Variants in KANSL1 observed in about 807,000 individuals in gnomAD.
The protein encoded by KANSL1 is KAT8 regulatory NSL complex subunit 1.
Under a neutral mutation model 103.6 loss-of-function variants are expected in KANSL1, and 22 were observed. That is an observed-to-expected ratio of 0.21 (90% CI 0.15 to 0.30). The LOEUF (loss-of-function observed/expected upper bound fraction) is 0.30, where lower values mean the gene tolerates loss of function less well. Ranked by LOEUF, KANSL1 falls within the 10% of genes least tolerant of loss-of-function variation. The probability of loss-of-function intolerance (pLI) is 1.00; values close to 1 mark genes in which losing one functional copy is unlikely to be tolerated. For missense variants in KANSL1, 1,337 were observed against 1,399.8 expected (o/e 0.96, Z 0.72); for synonymous variants, 600 against 527.6 (o/e 1.14, Z -1.88).
At chr17:46,182,366 T>G (rs1443313433) in intron 1 of KANSL1, among the ~76,000 whole-genome samples, 1 of 152,246 alleles carries the variant, frequency 6.6e-6, no homozygotes, top group Non-Finnish European at 1.5e-5. Context: ...AACAGTGATT[T>G]GTGATGAAGT....
At chr17:46,076,389 G>T (rs753584546) in intron 4 of KANSL1, among the ~76,000 whole-genome samples, 1 of 151,752 alleles carries the variant, frequency 6.6e-6, no homozygotes, top group Non-Finnish European at 1.5e-5. Context: ...CCAGCTACTC[G>T]GGAGGCTGAG....
At chr17:46,141,813 A>G (rs1326762236) in intron 2 of KANSL1, among the ~76,000 whole-genome samples, 1 of 152,244 alleles carries the variant, frequency 6.6e-6, no homozygotes, top group Non-Finnish European at 1.5e-5. Flanking sequence ...TTTTTCGGAA[A>G]GAGGGTTAGA....
intron 1 of KANSL1, among the ~76,000 whole-genome samples, chr17:46,207,232 C>G (rs2047999174): frequency 6.6e-6 from 1 of 152,198 alleles, no homozygotes; most frequent in Admixed American, 6.5e-5. Flanking sequence ...TATGATTGGG[C>G]CGGGTGCGGT....
intron 3 of KANSL1, among the ~76,000 whole-genome samples, chr17:46,087,633 A>G (rs1181567679): frequency 6.6e-6 from 1 of 152,224 alleles, no homozygotes; most frequent in Admixed American, 6.5e-5. Flanking sequence ...AGCAGAAAAG[A>G]GCCTAACTGA....
rs549256173 is a variant in KANSL1 at position 46,056,090 on chromosome 17, C to T, written c.1849-5386G>A. Among the ~76,000 whole-genome samples, 174 of 152,238 alleles carry T rather than the reference C, an allele frequency of 1.1e-3. 5 individuals are homozygous for T. The South Asian group carries it at 0.034, about 30-fold the overall frequency. On this transcript the variant is annotated intron_variant, in intron 6 of 14. Coordinates refer to ENST00000432791, the MANE Select transcript of KANSL1 (RefSeq NM_015443.4). ...CTCGGCTCACTGCAACCTCCATCTC[C>T]GGGTTCAAGTGATTCTCCTGCCTTA...
At chr17:46,164,422 T>C (rs1217672071) in intron 2 of KANSL1, among the ~76,000 whole-genome samples, 9 of 152,266 alleles carry the variant, frequency 5.9e-5, no homozygotes, top group Non-Finnish European at 1.0e-4. Context: ...CTTGACGTCA[T>C]GTGCAGATTA....
At chr17:46,191,606 G>A (rs1469260275) in intron 1 of KANSL1, among the ~76,000 whole-genome samples, 1 of 152,234 alleles carries the variant, frequency 6.6e-6, no homozygotes, top group East Asian at 1.9e-4. Flanking sequence ...TCATGATTAT[G>A]CAAGGCAAAG....
intron 2 of KANSL1, among the ~76,000 whole-genome samples, chr17:46,095,058 T>C (rs924887051): frequency 3.9e-5 from 6 of 152,142 alleles, no homozygotes; most frequent in African/African-American, 1.4e-4. Context: ...CTAAGAATTA[T>C]TAAAACTAAT....
In KANSL1 at chr17:46,066,622, C is replaced by T. The variant is rs1209619553; in HGVS notation, c.1763G>A (p.Cys588Tyr). 1 of 1,614,192 alleles carries T rather than the reference C, an allele frequency of 6.2e-7. No homozygotes were observed. The highest frequency in any genetic ancestry group is 1.3e-5 in the African/African-American group (1 of 75,050). Reference sequence around the variant, plus strand: ...TACAGGACGTGTCCGGGCTGCCACACAGGTGCCATCAGATGATGAAGAGAC... The same window carrying T: ...TACAGGACGTGTCCGGGCTGCCACATAGGTGCCATCAGATGATGAAGAGAC... The part of the protein sequence containing the change: ...NLVSSSSDGT[C>Y]VAARTRPVLS... Residue 588 changes from cysteine (C) to tyrosine (Y), a missense_variant, in exon 6 of 15, where the codon TGT becomes TAT. By Grantham distance (194) the Cys-to-Tyr change is radical. This residue lies in a region of KANSL1 where 780 missense variants were observed against 923.4 expected (regional missense o/e 0.84). Coordinates refer to ENST00000432791, the MANE Select transcript of KANSL1 (RefSeq NM_015443.4).
intron 2 of KANSL1, among the ~76,000 whole-genome samples, chr17:46,129,211 G>A (rs923491338): frequency 2.6e-5 from 4 of 151,852 alleles, no homozygotes; most frequent in Non-Finnish European, 4.4e-5. Flanking sequence ...TGTTCTAGTT[G>A]AATTAATAAA....
At chr17:46,094,743 A>G (rs777507409) in intron 2 of KANSL1, 42 bp from the exon 3 acceptor site, 8 of 1,611,794 alleles carry the variant, frequency 5.0e-6, no homozygotes, top group South Asian at 3.3e-5. Context: ...AGTAGCAGTA[A>G]TATCTATACC....
At chr17:46,218,214 C>T (rs1310284517) in intron 1 of KANSL1, among the ~76,000 whole-genome samples, 1 of 152,210 alleles carries the variant, frequency 6.6e-6, no homozygotes, top group Non-Finnish European at 1.5e-5. Flanking sequence ...AGCCACTCAG[C>T]ATATGTCACT....
chr17:46,096,311 C>CTTTCTTTCTTTCTTTCTTTTTT (rs753073992), intron 2 of KANSL1, among the ~76,000 whole-genome samples: 1 of 76,408 alleles, frequency 1.3e-5, no homozygotes, highest in African/African-American at 5.6e-5. Flanking sequence ...GCTTTTTTTT[C>CTTTCTTTCTTTCTTTCTTTTTT]TTTTTTTTTT....
At chr17:46,140,364 A>T (rs551024218) in intron 2 of KANSL1, among the ~76,000 whole-genome samples, 5 of 152,198 alleles carry the variant, frequency 3.3e-5, no homozygotes, top group Non-Finnish European at 7.3e-5. Flanking sequence ...GGCAAAATAA[A>T]ATTGGATTCC....
At chr17:46,087,344 A>C (rs1306707661) in intron 3 of KANSL1, among the ~76,000 whole-genome samples, 24 of 152,168 alleles carry the variant, frequency 1.6e-4, no homozygotes, top group Admixed American at 1.6e-3. Flanking sequence ...ATTCAAAACC[A>C]AACACTGGAT....
At chr17:46,066,424 A>G in intron 6 of KANSL1, 113 bp downstream of exon 6, 1 of 848,496 alleles carries the variant, frequency 1.2e-6, no homozygotes, top group Non-Finnish European at 1.7e-6. Flanking sequence ...AAAGCTCCCC[A>G]GAAGACCTTG....
chr17:46,100,357 A>AGGCAGGAGAATTGCTTGG (rs2042255415), intron 2 of KANSL1, among the ~76,000 whole-genome samples: 1 of 151,090 alleles, frequency 6.6e-6, no homozygotes. Flanking sequence ...GAATTGCTTG[A>AGGCAGGAGAATTGCTTGG]ATCCAGGAGG....
At position 46,036,849 on chromosome 17, in the gene KANSL1, C is replaced by CTA. The variant is rs2077165487; in HGVS notation, c.2541+1687_2541+1688dup. Among the ~76,000 whole-genome samples the CTA allele has an allele frequency of 2.6e-5, 4 of 152,128 alleles. No homozygotes were observed. The South Asian group carries it at 8.3e-4, about 32-fold the overall frequency. On this transcript the variant is annotated intron_variant, in intron 10 of 14. Coordinates refer to ENST00000432791, the MANE Select transcript of KANSL1 (RefSeq NM_015443.4). ...TTCTCCTGCCTCAGAGTAGCTGGAA[C>CTA]TATAGGCACATGCCACCACGCCCAG...
chr17:46,184,883 G>A (rs928472467), intron 1 of KANSL1, among the ~76,000 whole-genome samples: 9 of 139,638 alleles, frequency 6.4e-5, no homozygotes, highest in Admixed American at 1.5e-4. Flanking sequence ...ATTGTCACCC[G>A]GGCTGGAGTG....
Sources: allele counts gnomAD v4.1 joint callset (sites outside exome capture counted in the v4.1 genomes callset), GRCh38; gene constraint gnomAD v4.1.1; regional missense constraint gnomAD v4.1.1; transcripts MANE v1.5; gene names NCBI Gene and HGNC (gene_info 2026-07-23, HGNC 2026-07-21).